Variants in KCTD18 observed in about 807,000 individuals in gnomAD.
KCTD18 encodes BTB/POZ domain-containing protein KCTD18.
A neutral mutation model predicts 30.4 loss-of-function variants in KCTD18; 22 were observed. The ratio of observed to expected loss-of-function variants is 0.72; its 90% CI spans 0.52 to 1.03. The LOEUF (loss-of-function observed/expected upper bound fraction) is 1.03. Ranked by LOEUF, KCTD18 falls within the 50% of genes least tolerant of loss-of-function variation. KCTD18 has a pLI of 0.00. For synonymous variants in KCTD18, 186 were observed against 209.0 expected, an observed-to-expected ratio of 0.89 and a Z score of 0.95; for missense variants, 529 against 547.6, an observed-to-expected ratio of 0.97 and a Z score of 0.34.
chr2:200,495,299 C>T (rs950412371), intron 5 of KCTD18, among the ~76,000 whole-genome samples: 1 of 152,118 alleles, frequency 6.6e-6, no homozygotes, highest in East Asian at 1.9e-4. Context: ...TAACTTTAAT[C>T]GCTTTATTAT....
chr2:200,496,333 G>A (rs1476232229), intron 5 of KCTD18: 1 of 152,082 alleles, frequency 6.6e-6, no homozygotes, highest in Non-Finnish European at 1.5e-5. Flanking sequence ...GTGTCTCAAA[G>A]TAAATTAAAT....
At position 200,499,050 on chromosome 2, in the gene KCTD18, A is replaced by C; in HGVS notation, c.407T>G (p.Val136Gly). The C allele has an allele frequency of 1.2e-6, 2 of 1,613,754 alleles. No individual in the cohort carries two copies. The highest frequency in any genetic ancestry group is 1.3e-5 in the African/African-American group (1 of 75,056). Residue 136 changes from valine to glycine, a missense_variant, in exon 4 of 7, where the codon GTC (valine) becomes GGC (glycine). Coordinates refer to ENST00000359878, the MANE Select transcript of KCTD18 (RefSeq NM_152387.4). Reference sequence around the variant, plus strand: ...AACCCAAACTGTTGGTTTATTGCAGACTAAGCCATATGAATCACAGAAGTC... The same window carrying C: ...AACCCAAACTGTTGGTTTATTGCAGCCTAAGCCATATGAATCACAGAAGTC... The part of the protein sequence containing the change: ...LTDFCDSYGL[V>G]CNKPTVWVLH...
chr2:200,489,376 T>C lies in KCTD18; in HGVS notation c.*724A>G, dbSNP rs1318155886. The C allele has an allele frequency of 2.0e-5, 3 of 152,598 alleles. No homozygotes were observed. The highest frequency in any genetic ancestry group is 2.9e-5 in the Non-Finnish European group (2 of 68,042). The allele number at this position is 152,598 out of a possible 1,614,324, so 9.5% of individuals were successfully genotyped here. On this transcript the variant is annotated 3_prime_UTR_variant, in exon 7 of 7. Coordinates refer to ENST00000359878, the MANE Select transcript of KCTD18 (RefSeq NM_152387.4). ...CTCTTTTTCAAAGTATTTTCAAAAC[T>C]TCACTATTCAAATTAAATAGGATAT...
At chr2:200,497,700 C>CTT in intron 5 of KCTD18, 53 bp downstream of exon 5, 14 of 1,051,228 alleles carry the variant, frequency 1.3e-5, no homozygotes, top group African/African-American at 1.6e-5. Flanking sequence ...CTTACTTTGT[C>CTT]TTTTTTTTTT....
intron 4 of KCTD18, 126 bp downstream of exon 4, chr2:200,498,765 T>C (rs879008893): frequency 7.9e-6 from 6 of 760,352 alleles, no homozygotes; most frequent in Middle Eastern, 3.7e-4. Context: ...ACTGCTATGA[T>C]GGCTCACTGT....
chr2:200,508,183 G>A lies in KCTD18; in HGVS notation c.-75-1092C>T, dbSNP rs998413089. Among the ~76,000 whole-genome samples, 13 of 152,246 alleles carry A rather than the reference G, an allele frequency of 8.5e-5. No individual in the cohort carries two copies. The South Asian group carries it at 1.2e-3, about 15-fold the overall frequency. Reference sequence around the variant, plus strand: ...AGTGGCGCCATCTCGGCTCACTCCCGGGTTCAAGCAATTCTCCTGCCTCAG... The same window carrying A: ...AGTGGCGCCATCTCGGCTCACTCCCAGGTTCAAGCAATTCTCCTGCCTCAG... On this transcript the variant is annotated intron_variant, in intron 1 of 6. Coordinates refer to ENST00000359878, the MANE Select transcript of KCTD18 (RefSeq NM_152387.4).
At chr2:200,499,140 G>A in intron 3 of KCTD18, 56 bp from the exon 4 acceptor site, 1 of 1,227,556 alleles carries the variant, frequency 8.1e-7, no homozygotes, top group Non-Finnish European at 1.1e-6. Flanking sequence ...AAATAAAAAT[G>A]AATATGCTCC....
Position 200,489,031 on chromosome 2 carries a change from A to G in KCTD18, c.*1069T>C, listed in dbSNP as rs1451981147. The stretch of plus-strand genomic sequence containing the variant: ...TATACTTACTTTACTCTTTCAAAGC[A>G]ATGAAAGTACAATGATAAGCATTTG... On this transcript the variant is annotated 3_prime_UTR_variant, in exon 7 of 7. Coordinates refer to ENST00000359878, the MANE Select transcript of KCTD18 (RefSeq NM_152387.4). 1 of 152,444 alleles carries G rather than the reference A, an allele frequency of 6.6e-6. No homozygotes were observed. The highest frequency in any genetic ancestry group is 1.9e-4 in the East Asian group (1 of 5,200). The allele number at this position is 152,444 out of a possible 1,614,324, so 9.4% of individuals were successfully genotyped here. A position where few individuals can be genotyped will look rare whatever the true frequency, so the allele number is the denominator to read the frequency against.
chr2:200,501,479 C>T (rs368867383), intron 3 of KCTD18, among the ~76,000 whole-genome samples: 2 of 140,790 alleles, frequency 1.4e-5, no homozygotes, highest in African/African-American at 2.7e-5. Context: ...GGGCGAAGGA[C>T]ATGAACAGAC....
intron 6 of KCTD18, among the ~76,000 whole-genome samples, chr2:200,492,606 CAG>C (rs1486923994): frequency 6.6e-6 from 1 of 152,064 alleles, no homozygotes; most frequent in Non-Finnish European, 1.5e-5. Flanking sequence ...ATCAAGAAAT[CAG>C]AACATCTGAA....
In KCTD18 at chr2:200,490,174, G is replaced by C. The variant is rs767068694; in HGVS notation, c.1207C>G (p.Leu403Val). 6.2e-7 allele frequency: 1 copy of C among 1,612,758 alleles called. No individual in the cohort carries two copies. Among genetic ancestry groups the C allele is most frequent in the South Asian group, 1.1e-5 (1 of 91,024 alleles). The change falls in exon 7 of 7, where the codon CTC (leucine) becomes GTC (valine). Residue 403 changes from leucine (L) to valine (V), a missense_variant. By Grantham distance (32) the Leu-to-Val change is conservative (BLOSUM62 1). Transcript: ENST00000359878. ...SPTATRQANS[L>V]KPLPGEAARA... ...GCAGCTTCGCCGGGAAGCGGCTTGA[G>C]GGAGTTGGCCTGCCTCGTGGCCGTG...
intron 3 of KCTD18, among the ~76,000 whole-genome samples, chr2:200,499,736 T>G (rs1574803400): frequency 6.6e-6 from 1 of 151,540 alleles, no homozygotes; most frequent in East Asian, 1.9e-4. Flanking sequence ...CTGAAACTAT[T>G]CCAATCAATA....
At chr2:200,500,496 CAG>C (rs1055750433) in intron 3 of KCTD18, among the ~76,000 whole-genome samples, 1 of 151,904 alleles carries the variant, frequency 6.6e-6, no homozygotes, top group African/African-American at 2.4e-5. Context: ...AACAGACAAA[CAG>C]AGAGCCAAAT....
chr2:200,506,465 C>CT (rs2030204835), intron 2 of KCTD18, among the ~76,000 whole-genome samples: 1 of 152,226 alleles, frequency 6.6e-6, no homozygotes. Context: ...GATGGCTGCT[C>CT]TGTTAGCAAT....
intron 1 of KCTD18, among the ~76,000 whole-genome samples, chr2:200,509,423 C>A (rs1290669254): frequency 2.0e-5 from 3 of 152,098 alleles, no homozygotes; most frequent in Admixed American, 2.0e-4. Flanking sequence ...ACAGCAGCAC[C>A]CCGATCCCGA....
Position 200,498,910 on chromosome 2 carries a change from TG to T in KCTD18, c.546del (p.His182GlnfsTer23). On this transcript the variant is annotated frameshift_variant, in exon 4 of 7. Coordinates refer to ENST00000359878, the MANE Select transcript of KCTD18 (RefSeq NM_152387.4). LOFTEE classifies it high-confidence loss of function. ...AIEKQLGGRI[H>X]SKGIFKREAG... ...ACATACCTTTTAAAAATGCCTTTGC[TG>T]TGAATTCTTCCTCCCAGCTGCTTTT... 1 of 1,613,924 alleles carries T rather than the reference TG, an allele frequency of 6.2e-7. No individual in the cohort carries two copies. The highest frequency in any genetic ancestry group is 1.1e-5 in the South Asian group (1 of 90,998).
At chr2:200,506,271 G>T (rs1559186983) in intron 2 of KCTD18, among the ~76,000 whole-genome samples, 1 of 152,176 alleles carries the variant, frequency 6.6e-6, no homozygotes. Flanking sequence ...AGCACTGGAA[G>T]CAGAGAGCAG....
In KCTD18 at chr2:200,489,919, T is replaced by C; in HGVS notation, c.*181A>G. On this transcript the variant is annotated 3_prime_UTR_variant, in exon 7 of 7. Coordinates refer to ENST00000359878, the MANE Select transcript of KCTD18 (RefSeq NM_152387.4). ...ATATAAAAGTTGGGAAAATGAGAAATGGAGCCTTAACCATTGAAAGTCTCC... is the reference window on the plus strand; with the variant it reads ...ATATAAAAGTTGGGAAAATGAGAAACGGAGCCTTAACCATTGAAAGTCTCC... The C allele has an allele frequency of 5.1e-6, 3 of 590,954 alleles. No individual in the cohort carries two copies. Among genetic ancestry groups the C allele is most frequent in the Non-Finnish European group, 8.4e-6 (3 of 358,240 alleles). 36.6% of individuals were successfully genotyped at this position (590,954 alleles called of 1,614,324 possible).
Position 200,498,886 on chromosome 2 carries a change from C to T in KCTD18, c.566+5G>A. ...GTTCTTTTTCACATTTAAATTTGGA[C>T]ATACCTTTTAAAAATGCCTTTGCTG... is the stretch of plus-strand genomic sequence containing the variant. On this transcript the variant is annotated splice_donor_5th_base_variant and intron_variant, in intron 4 of 6. Coordinates refer to ENST00000359878, the MANE Select transcript of KCTD18 (RefSeq NM_152387.4). 6.2e-7 allele frequency: 1 copy of T among 1,611,780 alleles called. No homozygotes were observed. The highest frequency in any genetic ancestry group is 8.5e-7 in the Non-Finnish European group (1 of 1,178,122).
Sources: gnomAD v4.1 joint callset for allele counts (sites outside exome capture counted in the v4.1 genomes callset) on GRCh38, gnomAD v4.1.1 for gene constraint, MANE v1.5 for transcripts, NCBI Gene and HGNC (gene_info 2026-07-23, HGNC 2026-07-21) for gene names.